PAX3: variants seen among roughly 807,000 people sequenced by gnomAD.
The protein encoded by PAX3 is paired box 3.
In PAX3, 14 loss-of-function variants were observed where a neutral mutation model predicts 51.6. The ratio of observed to expected loss-of-function variants is 0.27; its 90% CI spans 0.18 to 0.42. The LOEUF is 0.42. PAX3 is among the 10% of genes least tolerant of loss of function. PAX3 has a pLI of 1.00. For synonymous variants in PAX3, 280 were observed against 253.4 expected, an observed-to-expected ratio of 1.11 and a Z score of -1.00; for missense variants, 540 against 642.8, an observed-to-expected ratio of 0.84 and a Z score of 1.73.
chr2:222,266,910 C>T (rs1694073497), intron 4 of PAX3, among the ~76,000 whole-genome samples: 1 of 152,322 alleles, frequency 6.6e-6, no homozygotes, highest in East Asian at 1.9e-4. Flanking sequence ...AATCACATGG[C>T]ATTGAACCTG....
At chr2:222,213,527 G>A (rs1691832743) in intron 7 of PAX3, among the ~76,000 whole-genome samples, 5 of 152,098 alleles carry the variant, frequency 3.3e-5, no homozygotes, top group Admixed American at 3.3e-4. Context: ...TGAAGCCCTG[G>A]CAATCAGCAC....
chr2:222,256,644 A>G lies in PAX3; in HGVS notation c.587-24361T>C, dbSNP rs1361342570. ...CATTTTCTCATGAATGCAAAATTAAATACTGTATATAACAGCATTTTTAAA... is the reference window on the plus strand; with the variant it reads ...CATTTTCTCATGAATGCAAAATTAAGTACTGTATATAACAGCATTTTTAAA... On this transcript the variant is annotated intron_variant, in intron 4 of 8. Coordinates refer to ENST00000392070, the MANE Select transcript of PAX3 (RefSeq NM_181458.4). 2.0e-5 allele frequency among the ~76,000 whole-genome samples: 3 copies of G among 152,260 alleles called. No homozygotes were observed. In the East Asian group the frequency reaches 5.8e-4, roughly 29 times the overall value.
chr2:222,271,141 C>T (rs1214046294), intron 4 of PAX3, among the ~76,000 whole-genome samples: 3 of 152,188 alleles, frequency 2.0e-5, no homozygotes, highest in Non-Finnish European at 2.9e-5. Context: ...GACTCCAGCT[C>T]AGAACACATA....
In PAX3 at chr2:222,202,118, T is replaced by C. The variant is rs930688047; in HGVS notation, c.1246A>G (p.Thr416Ala). 5.0e-6 allele frequency: 8 copies of C among 1,613,526 alleles called. No individual in the cohort carries two copies. Among genetic ancestry groups the C allele is most frequent in the Non-Finnish European group, 6.8e-6 (8 of 1,179,850 alleles). Reference protein sequence around the residue: ...PQTDYALSPLTGGLEPTTTVS... With the variant: ...PQTDYALSPLAGGLEPTTTVS... ...GTGGTGGTAGGTTCCAGACCCCCGG[T>C]GAGAGGGGAGAGCGCGTAATCAGTC... The change falls in exon 8 of 9, where the codon ACC becomes GCC. Residue 416 changes from threonine to alanine, a missense_variant. Physicochemically the swap from Thr to Ala is moderately conservative, Grantham distance 58 (BLOSUM62 0). Transcript: ENST00000392070.
chr2:222,283,027 A>G (rs1405516627), intron 4 of PAX3, among the ~76,000 whole-genome samples: 2 of 152,256 alleles, frequency 1.3e-5, no homozygotes, highest in Non-Finnish European at 2.9e-5. Flanking sequence ...GTCTCAATGC[A>G]GAAGCTAAAT....
At chr2:222,238,061 A>G (rs942284526) in intron 4 of PAX3, among the ~76,000 whole-genome samples, 1 of 152,224 alleles carries the variant, frequency 6.6e-6, no homozygotes, top group African/African-American at 2.4e-5. Flanking sequence ...ATCATCTCAC[A>G]TTAACTCCCA....
In PAX3 at chr2:222,221,390, A is replaced by G. The variant is rs1452773656; in HGVS notation, c.793-3T>C. ...GCACGGCGGTTGCTAAACCAGACCT[A>G]TGGATTTAATTTAAAATTTAAGGAT... On this transcript the variant is annotated splice_region_variant and splice_polypyrimidine_tract_variant and intron_variant, in intron 5 of 8. Coordinates refer to ENST00000392070, the MANE Select transcript of PAX3 (RefSeq NM_181458.4). The G allele has an allele frequency of 1.2e-6, 2 of 1,612,760 alleles. No homozygotes were observed. Among genetic ancestry groups the G allele is most frequent in the Non-Finnish European group, 1.7e-6 (2 of 1,178,772 alleles).
intron 4 of PAX3, among the ~76,000 whole-genome samples, chr2:222,266,345 A>C (rs1270392969): frequency 6.6e-6 from 1 of 152,236 alleles, no homozygotes; most frequent in Non-Finnish European, 1.5e-5. Context: ...CCTGATGCTT[A>C]TTGAGAAGAA....
intron 7 of PAX3, 59 bp from the exon 8 acceptor site, chr2:222,202,249 T>C: frequency 8.0e-7 from 1 of 1,250,238 alleles, no homozygotes; most frequent in Non-Finnish European, 1.1e-6. Context: ...GATTGCAGCC[T>C]ACAGCTGAAA....
At position 222,294,205 on chromosome 2, in the gene PAX3, T is replaced by G; in HGVS notation, c.548A>C (p.Lys183Thr). 1.2e-6 allele frequency: 2 copies of G among 1,614,152 alleles called. No individual in the cohort carries two copies. The highest frequency in any genetic ancestry group is 1.7e-6 in the Non-Finnish European group (2 of 1,179,994). Reference protein sequence around the residue: ...ERKEAEESEKKAKHSIDGILS... With the variant: ...ERKEAEESEKTAKHSIDGILS... ...GATGCCGTCGATGCTGTGTTTGGCC[T>G]TCTTCTCGCTTTCCTCTGCCTCCTT... Residue 183 changes from lysine (K) to threonine (T), a missense_variant, in exon 4 of 9, where the codon AAG becomes ACG. Lys to Thr is a moderately conservative substitution (Grantham distance 78). Transcript: ENST00000392070.
intron 4 of PAX3, among the ~76,000 whole-genome samples, chr2:222,271,838 T>C (rs533318859): frequency 9.8e-5 from 15 of 152,300 alleles, no homozygotes; most frequent in African/African-American, 3.6e-4. Context: ...AAAAGATGCT[T>C]CTGAAATTCA....
rs1449149146 is a variant in PAX3 at position 222,202,120 on chromosome 2, A to G, written c.1244T>C (p.Leu415Pro). ...QPQTDYALSP[L>P]TGGLEPTTTV... Reference sequence around the variant, plus strand: ...GGTGGTAGGTTCCAGACCCCCGGTGAGAGGGGAGAGCGCGTAATCAGTCTG... The same window carrying G: ...GGTGGTAGGTTCCAGACCCCCGGTGGGAGGGGAGAGCGCGTAATCAGTCTG... The change falls in exon 8 of 9, where the codon CTC becomes CCC. Residue 415 changes from leucine (L) to proline (P), a missense_variant. Coordinates refer to ENST00000392070, the MANE Select transcript of PAX3 (RefSeq NM_181458.4). 1 of 1,613,628 alleles carries G rather than the reference A, an allele frequency of 6.2e-7. No homozygotes were observed. Among genetic ancestry groups the G allele is most frequent in the East Asian group, 2.2e-5 (1 of 44,760 alleles).
intron 5 of PAX3, among the ~76,000 whole-genome samples, chr2:222,226,622 C>A (rs1020064326): frequency 2.6e-5 from 4 of 151,820 alleles, no homozygotes; most frequent in Non-Finnish European, 4.4e-5. Context: ...GGCTTCAAAT[C>A]ATCATGGTGC....
In PAX3 at chr2:222,201,095, G is replaced by A. The variant is rs1476812486; in HGVS notation, c.*313C>T. ...AGCAAATGGAATGTTCTAGCTCCTC[G>A]ATGATCAGCACTAAAGAATTGGGAT... On this transcript the variant is annotated 3_prime_UTR_variant, in exon 9 of 9. Coordinates refer to ENST00000392070, the MANE Select transcript of PAX3 (RefSeq NM_181458.4). The A allele has an allele frequency of 3.4e-6, 5 of 1,455,398 alleles. No individual in the cohort carries two copies. The highest frequency in any genetic ancestry group is 3.8e-6 in the Non-Finnish European group (4 of 1,041,668). The allele number at this position is 1,455,398 out of a possible 1,614,324, so 90.2% of individuals were successfully genotyped here. A position where few individuals can be genotyped will look rare whatever the true frequency, so the allele number is the denominator to read the frequency against.
chr2:222,280,036 C>T (rs1181473928), intron 4 of PAX3, among the ~76,000 whole-genome samples: 1 of 152,036 alleles, frequency 6.6e-6, no homozygotes, highest in Non-Finnish European at 1.5e-5. Context: ...CATGGTAAAA[C>T]CCCATCTCTA....
intron 5 of PAX3, among the ~76,000 whole-genome samples, chr2:222,222,699 A>T (rs1266649338): frequency 6.6e-6 from 1 of 152,102 alleles, no homozygotes; most frequent in Non-Finnish European, 1.5e-5. Context: ...GAAACTTAAT[A>T]TGGAGGAAAG....
rs1553572967 is a variant in PAX3 at position 222,221,300 on chromosome 2, AC to A, written c.879del (p.Phe294SerfsTer87). 6.2e-7 allele frequency: 1 copy of A among 1,613,142 alleles called. No homozygotes were observed. The highest frequency in any genetic ancestry group is 8.5e-7 in the Non-Finnish European group (1 of 1,179,716). ...LMAFNHLIPGGFPPTAMPTLP... is the reference protein window; with the variant it reads ...LMAFNHLIPGXFPPTAMPTLP... ...AAGGTCGGCATGGCAGTGGGAGGGAACCCCCCGGGAATGAGATGGTTGAAAG... is the reference window on the plus strand; with the variant it reads ...AAGGTCGGCATGGCAGTGGGAGGGAACCCCCGGGAATGAGATGGTTGAAAG... On this transcript the variant is annotated frameshift_variant, in exon 6 of 9. Coordinates refer to ENST00000392070, the MANE Select transcript of PAX3 (RefSeq NM_181458.4). LOFTEE classifies it high-confidence loss of function.
intron 7 of PAX3, among the ~76,000 whole-genome samples, chr2:222,203,543 C>A (rs554196605): frequency 6.6e-6 from 1 of 152,098 alleles, no homozygotes; most frequent in Non-Finnish European, 1.5e-5. Flanking sequence ...CAAGCCCTGA[C>A]TATAAGCCCT....
chr2:222,295,537 C>CGGTGTTTCG lies in PAX3; in HGVS notation c.433_441dup (p.Arg145_Thr147dup). The CGGTGTTTCG allele has an allele frequency of 6.2e-7, 1 of 1,614,222 alleles. No individual in the cohort carries two copies. The highest frequency in any genetic ancestry group is 8.5e-7 in the Non-Finnish European group (1 of 1,180,042). On this transcript the variant is annotated inframe_insertion, in exon 3 of 9. Coordinates refer to ENST00000392070, the MANE Select transcript of PAX3 (RefSeq NM_181458.4). ...TTAATGGGCCTAGTACCTGACGGCA[C>CGGTGTTTCG]GGTGTTTCGATCACAGACCGCGTCC... is the stretch of plus-strand genomic sequence containing the variant.
Sources: gnomAD v4.1 joint callset for allele counts (sites outside exome capture counted in the v4.1 genomes callset) on GRCh38, gnomAD v4.1.1 for gene constraint, MANE v1.5 for transcripts, NCBI Gene and HGNC (gene_info 2026-07-23, HGNC 2026-07-21) for gene names.